Variants in ALKBH1 observed in about 807,000 individuals in gnomAD.
ALKBH1 encodes the protein alkB homolog 1, histone H2A dioxygenase, also known as nucleic acid dioxygenase ALKBH1.
A neutral mutation model predicts 36.6 loss-of-function variants in ALKBH1; 31 were observed. That is an observed-to-expected ratio of 0.85 (90% CI 0.64 to 1.14). ALKBH1 has a LOEUF of 1.14. ALKBH1 is among the 50% of genes most tolerant of loss of function. The probability of loss-of-function intolerance (pLI) is 0.00; values close to 1 mark genes in which losing one functional copy is unlikely to be tolerated. For synonymous variants in ALKBH1, 183 were observed against 186.6 expected (o/e 0.98, Z 0.16); for missense variants, 490 against 497.3 (o/e 0.99, Z 0.14).
intron 2 of ALKBH1, among the ~76,000 whole-genome samples, chr14:77,698,043 T>TA (rs778909176): frequency 2.6e-5 from 4 of 152,052 alleles, no homozygotes; most frequent in Admixed American, 6.6e-5. Context: ...GATAAAGTGA[T>TA]AAAAAACCTT....
At chr14:77,703,589 C>G (rs866411761) in intron 2 of ALKBH1, among the ~76,000 whole-genome samples, 25 of 138,160 alleles carry the variant, frequency 1.8e-4, no homozygotes, top group Admixed American at 1.7e-3. Context: ...GCTACTGCGT[C>G]CAGCTTTTTT....
chr14:77,705,379 C>A (rs2080382875), intron 1 of ALKBH1, among the ~76,000 whole-genome samples: 2 of 145,938 alleles, frequency 1.4e-5, no homozygotes, highest in African/African-American at 2.5e-5. Context: ...CCACTGTACT[C>A]CAGCCTAGGA....
At chr14:77,680,047 A>T in intron 3 of ALKBH1, 77 bp from the exon 4 acceptor site, 1 of 1,116,426 alleles carries the variant, frequency 9.0e-7, no homozygotes, top group Non-Finnish European at 1.4e-6. Context: ...CTCTGGAGTT[A>T]AAATTTAGTA....
chr14:77,691,214 A>AT (rs532513192), intron 3 of ALKBH1, among the ~76,000 whole-genome samples: 12 of 151,764 alleles, frequency 7.9e-5, no homozygotes, highest in African/African-American at 2.9e-4. Flanking sequence ...AAGTTCAAGT[A>AT]TTTTTTTTTA....
At chr14:77,685,542 C>T (rs905654933) in intron 3 of ALKBH1, among the ~76,000 whole-genome samples, 5 of 152,170 alleles carry the variant, frequency 3.3e-5, no homozygotes, top group African/African-American at 7.2e-5. Context: ...TTCGGGAGGC[C>T]GAGGTGGGCA....
chr14:77,697,573 G>A (rs779184207), intron 2 of ALKBH1, among the ~76,000 whole-genome samples: 1 of 151,894 alleles, frequency 6.6e-6, no homozygotes, highest in South Asian at 2.1e-4. Context: ...AAAGACAACC[G>A]GGAGACTCTG....
intron 2 of ALKBH1, among the ~76,000 whole-genome samples, chr14:77,700,660 A>T (rs1027543651): frequency 3.3e-5 from 5 of 152,236 alleles, no homozygotes; most frequent in African/African-American, 1.2e-4. Flanking sequence ...AAAGAATATT[A>T]TAATATTCCC....
chr14:77,692,823 A>AT (rs1566815486), intron 3 of ALKBH1, among the ~76,000 whole-genome samples: 1 of 131,252 alleles, frequency 7.6e-6, no homozygotes, highest in African/African-American at 2.7e-5. Flanking sequence ...TATTTATTTA[A>AT]TTTATTTATT....
rs1383576296 is a variant in ALKBH1 at position 77,673,370 on chromosome 14, G to A, written c.*442C>T. 6.1e-6 allele frequency: 1 copy of A among 164,050 alleles called. No homozygotes were observed. The highest frequency in any genetic ancestry group is 1.7e-4 in the East Asian group (1 of 5,766). The allele number at this position is 164,050 out of a possible 1,614,324, so 10.2% of individuals were successfully genotyped here. On this transcript the variant is annotated 3_prime_UTR_variant, in exon 6 of 6. Coordinates refer to ENST00000216489, the MANE Select transcript of ALKBH1 (RefSeq NM_006020.3). ...TGATGATGCCTGAGGGAGTTAAGAA[G>A]ATGAGACTAATAGCTGGTTCACAGA...
chr14:77,698,903 C>A (rs1395886360), intron 2 of ALKBH1, among the ~76,000 whole-genome samples: 1 of 152,224 alleles, frequency 6.6e-6, no homozygotes, highest in East Asian at 1.9e-4. Context: ...CTTGGACTAC[C>A]ATGCCTGGCT....
chr14:77,674,180 T>G lies in ALKBH1; in HGVS notation c.802A>C (p.Met268Leu), dbSNP rs1386956488. 6.2e-7 allele frequency: 1 copy of G among 1,614,098 alleles called. No homozygotes were observed. Among genetic ancestry groups the G allele is most frequent in the Non-Finnish European group, 8.5e-7 (1 of 1,179,974 alleles). Residue 268 changes from methionine to leucine, a missense_variant, in exon 6 of 6, where the codon ATG (methionine) becomes CTG (leucine). Coordinates refer to ENST00000216489, the MANE Select transcript of ALKBH1 (RefSeq NM_006020.3). ...GLQRDEAPTA[M>L]FMHSGDIMIM... ...ATGATGTCACCACTGTGCATAAACATGGCCGTGGGGGCCTCATCCCTTTGA... is the reference window on the plus strand; with the variant it reads ...ATGATGTCACCACTGTGCATAAACAGGGCCGTGGGGGCCTCATCCCTTTGA...
At chr14:77,685,695 G>A (rs2080264479) in intron 3 of ALKBH1, among the ~76,000 whole-genome samples, 1 of 150,042 alleles carries the variant, frequency 6.7e-6, no homozygotes, top group South Asian at 2.1e-4. Flanking sequence ...AGGAGCCTGG[G>A]AGGAGAAGGT....
chr14:77,673,404 T>G lies in ALKBH1; in HGVS notation c.*408A>C. The G allele has an allele frequency of 5.9e-6, 1 of 170,660 alleles. No homozygotes were observed. Among genetic ancestry groups the G allele is most frequent in the South Asian group, 1.4e-4 (1 of 6,970 alleles). 10.6% of individuals were successfully genotyped at this position (170,660 alleles called of 1,614,324 possible). A position where few individuals can be genotyped will look rare whatever the true frequency, so the allele number is the denominator to read the frequency against. Reference sequence around the variant, plus strand: ...AATAGCTGGTTCACAGAACCACAATTTTACCATAAATTACCAGATGGAGTG... The same window carrying G: ...AATAGCTGGTTCACAGAACCACAATGTTACCATAAATTACCAGATGGAGTG... On this transcript the variant is annotated 3_prime_UTR_variant, in exon 6 of 6. Coordinates refer to ENST00000216489, the MANE Select transcript of ALKBH1 (RefSeq NM_006020.3).
chr14:77,682,513 ATGC>A (rs1245411930), intron 3 of ALKBH1, among the ~76,000 whole-genome samples: 1 of 152,186 alleles, frequency 6.6e-6, no homozygotes, highest in Non-Finnish European at 1.5e-5. Context: ...ATACAAGAAA[ATGC>A]TGTTGAAGAA....
chr14:77,696,376 G>C (rs2080327095), intron 2 of ALKBH1, among the ~76,000 whole-genome samples: 1 of 152,098 alleles, frequency 6.6e-6, no homozygotes, highest in Admixed American at 6.5e-5. Flanking sequence ...TTTCAGTAGA[G>C]ACGGGGTTTC....
At chr14:77,704,179 C>T (rs977957999) in intron 2 of ALKBH1, among the ~76,000 whole-genome samples, 190 bp downstream of exon 2, 1 of 152,164 alleles carries the variant, frequency 6.6e-6, no homozygotes, top group Non-Finnish European at 1.5e-5. Flanking sequence ...CTGCTGACTC[C>T]TGTTCTATCC....
At chr14:77,689,353 T>TC (rs2080285677) in intron 3 of ALKBH1, among the ~76,000 whole-genome samples, 1 of 152,202 alleles carries the variant, frequency 6.6e-6, no homozygotes, top group Admixed American at 6.5e-5. Context: ...TAACAGTCCC[T>TC]CCCTCACTGG....
chr14:77,684,633 T>C (rs2080257641), intron 3 of ALKBH1, among the ~76,000 whole-genome samples: 1 of 152,202 alleles, frequency 6.6e-6, no homozygotes, highest in South Asian at 2.1e-4. Context: ...CAGTCACAGC[T>C]TGCTGCAGGC....
chr14:77,675,430 T>C (rs61992913), intron 5 of ALKBH1, among the ~76,000 whole-genome samples: 1 of 134,060 alleles, frequency 7.5e-6, no homozygotes, highest in African/African-American at 2.9e-5. Context: ...CGAGACTCTG[T>C]TTCAAAAAAA....
Sources: allele counts gnomAD v4.1 joint callset (sites outside exome capture counted in the v4.1 genomes callset), GRCh38; gene constraint gnomAD v4.1.1; transcripts MANE v1.5; gene names NCBI Gene and HGNC (gene_info 2026-07-23, HGNC 2026-07-21).